Variants in AFF1 observed in about 807,000 individuals in gnomAD.
AFF1 encodes ALF transcription elongation factor 1, also known as AF4/FMR2 family member 1.
Under a neutral mutation model 121.7 loss-of-function variants are expected in AFF1, and 48 were observed. That is an observed-to-expected ratio of 0.39 (90% CI 0.31 to 0.50). The LOEUF (loss-of-function observed/expected upper bound fraction) is 0.50. Among genes scored for constraint, AFF1 ranks in the 20% least tolerant of loss-of-function variants. AFF1 has a pLI of 0.76. For missense variants in AFF1, 1,523 were observed against 1,511.7 expected (o/e 1.01, Z -0.12); for synonymous variants, 613 against 563.0 (o/e 1.09, Z -1.26).
intron 2 of AFF1, among the ~76,000 whole-genome samples, chr4:87,029,149 T>C (rs1296346378): frequency 1.3e-5 from 2 of 152,234 alleles, no homozygotes; most frequent in African/African-American, 4.8e-5. Flanking sequence ...TGTTATCCTC[T>C]AGCATTTGGT....
At chr4:86,946,612 G>C (rs887908572) in intron 1 of AFF1, among the ~76,000 whole-genome samples, 4 of 151,944 alleles carry the variant, frequency 2.6e-5, no homozygotes, top group African/African-American at 9.7e-5. Flanking sequence ...GGCTGGTCTT[G>C]AACTCCTGAG....
At chr4:87,084,550 CAATA>C (rs58068934) in intron 5 of AFF1, among the ~76,000 whole-genome samples, 22,459 of 136,586 alleles carry the variant, frequency 0.16, 2,003 homozygotes, top group Middle Eastern at 0.22. Flanking sequence ...ACTATGTCTC[CAATA>C]AATAAATAAA....
At chr4:87,018,945 T>C (rs1308897590) in intron 2 of AFF1, among the ~76,000 whole-genome samples, 1 of 152,186 alleles carries the variant, frequency 6.6e-6, no homozygotes, top group Non-Finnish European at 1.5e-5. Flanking sequence ...GGTACAGTTA[T>C]AAGGAAGTGA....
intron 4 of AFF1, among the ~76,000 whole-genome samples, chr4:87,059,372 G>A (rs961214652): frequency 1.3e-5 from 2 of 152,112 alleles, no homozygotes; most frequent in East Asian, 3.9e-4. Flanking sequence ...ATTCCTTTCT[G>A]TCATATACTC....
At chr4:87,079,281 C>T (rs760658067) in intron 4 of AFF1, among the ~76,000 whole-genome samples, 6 of 152,170 alleles carry the variant, frequency 3.9e-5, no homozygotes, top group Non-Finnish European at 8.8e-5. Context: ...CTTCAGCCAG[C>T]TCTTTTTAGC....
chr4:87,107,550 AAC>A (rs1726040475), intron 10 of AFF1, among the ~76,000 whole-genome samples: 1 of 152,230 alleles, frequency 6.6e-6, no homozygotes, highest in African/African-American at 2.4e-5. Flanking sequence ...CTTGCAAAGG[AAC>A]ACCATTTATA....
chr4:86,941,146 C>T (rs1159998670), intron 1 of AFF1, among the ~76,000 whole-genome samples: 1 of 152,152 alleles, frequency 6.6e-6, no homozygotes, highest in African/African-American at 2.4e-5. Context: ...GCATAGTGAA[C>T]ATGCTGCCCT....
chr4:86,967,064 T>C (rs1208905304), intron 2 of AFF1, among the ~76,000 whole-genome samples: 1 of 152,220 alleles, frequency 6.6e-6, no homozygotes, highest in Non-Finnish European at 1.5e-5. Flanking sequence ...ATACTATTCC[T>C]TCCTCCCATC....
chr4:86,957,394 G>A, intron 2 of AFF1, among the ~76,000 whole-genome samples: 1 of 152,234 alleles, frequency 6.6e-6, no homozygotes, highest in South Asian at 2.1e-4. Context: ...TTCAAAATCT[G>A]AGTCATGTTT....
intron 12 of AFF1, among the ~76,000 whole-genome samples, chr4:87,121,416 A>G (rs1384964277): frequency 6.6e-6 from 1 of 152,074 alleles, no homozygotes; most frequent in Non-Finnish European, 1.5e-5. Flanking sequence ...TCCTACATCC[A>G]TCCACTTAAA....
In AFF1 at chr4:87,135,806, G is replaced by C; in HGVS notation, c.*105G>C. ...CATCAGGACACCAAACTCTAAAAAA[G>C]AAGCACCACGAGATGGCCAGGACAT... is the stretch of plus-strand genomic sequence containing the variant. On this transcript the variant is annotated 3_prime_UTR_variant, in exon 21 of 21. Transcript: ENST00000395146. 1 of 1,399,862 alleles carries C rather than the reference G, an allele frequency of 7.1e-7. No individual in the cohort carries two copies. The highest frequency in any genetic ancestry group is 9.4e-7 in the Non-Finnish European group (1 of 1,062,776). 86.7% of individuals were successfully genotyped at this position (1,399,862 alleles called of 1,614,324 possible). A position where few individuals can be genotyped will look rare whatever the true frequency, so the allele number is the denominator to read the frequency against.
chr4:87,051,408 CCTTTTT>C lies in AFF1; in HGVS notation c.1059+3821_1059+3826del, dbSNP rs1393009942. ...TCTTTCATCATTCCTCTTTTTCTTT[CCTTTTT>C]CTTTTTTTTTTTTTTAACGTACTCA... is the stretch of plus-strand genomic sequence containing the variant. On this transcript the variant is annotated intron_variant, in intron 4 of 20. Transcript: ENST00000395146. Among the ~76,000 whole-genome samples, 15 of 141,602 alleles carry C rather than the reference CCTTTTT, an allele frequency of 1.1e-4. No homozygotes were observed. The South Asian group carries it at 3.2e-3, about 30-fold the overall frequency. 92.9% of individuals were successfully genotyped at this position (141,602 alleles called of 152,430 possible).
intron 2 of AFF1, among the ~76,000 whole-genome samples, chr4:86,983,152 A>G (rs1723910819): frequency 6.6e-6 from 1 of 152,180 alleles, no homozygotes. Context: ...GCACTTTAGG[A>G]GACCAAGGCT....
intron 4 of AFF1, among the ~76,000 whole-genome samples, chr4:87,068,799 T>G (rs921777469): frequency 6.6e-6 from 1 of 152,180 alleles, no homozygotes; most frequent in African/African-American, 2.4e-5. Flanking sequence ...TTCTTTCCTG[T>G]AAGGGCCGCC....
At position 87,046,896 on chromosome 4, in the gene AFF1, C is replaced by T. The variant is rs1730753040; in HGVS notation, c.361C>T (p.Gln121Ter). 1 of 1,614,100 alleles carries T rather than the reference C, an allele frequency of 6.2e-7. No homozygotes were observed. The highest frequency in any genetic ancestry group is 1.3e-5 in the African/African-American group (1 of 74,928). ...SSSFHTSVHHQSIHTPASGPL... is the reference protein window; with the variant it reads ...SSSFHTSVHH ...CTCCTTCCACACTAGTGTCCACCAC[C>T]AGTCCATTCACACTCCTGCGTCTGG... is the stretch of plus-strand genomic sequence containing the variant. The change falls in exon 4 of 21, where the codon CAG (glutamine) becomes TAG (stop). Residue 121 changes from glutamine (Q) to a stop codon, truncating the protein, a stop_gained. Coordinates refer to ENST00000395146, the MANE Select transcript of AFF1 (RefSeq NM_001166693.3). LOFTEE classifies it high-confidence loss of function.
At chr4:86,981,155 G>C (rs35812445) in intron 2 of AFF1, among the ~76,000 whole-genome samples, 20,548 of 151,454 alleles carry the variant, frequency 0.14, 1,866 homozygotes, top group Middle Eastern at 0.23. Context: ...TGGGACCACA[G>C]GTGCCCACCA....
At chr4:86,954,597 C>T (rs529353243) in intron 2 of AFF1, among the ~76,000 whole-genome samples, 1 of 152,224 alleles carries the variant, frequency 6.6e-6, no homozygotes, top group Middle Eastern at 3.4e-3. Context: ...GTAGTCCCAG[C>T]TACTGACAGG....
At chr4:87,001,233 T>TTG (rs1725694812) in intron 2 of AFF1, among the ~76,000 whole-genome samples, 1 of 140,714 alleles carries the variant, frequency 7.1e-6, no homozygotes, top group Non-Finnish European at 1.5e-5. Context: ...TTTTTTTTTT[T>TTG]TGGTGACGGC....
intron 2 of AFF1, among the ~76,000 whole-genome samples, chr4:87,042,671 C>G (rs1560566934): frequency 6.6e-6 from 1 of 152,166 alleles, no homozygotes; most frequent in Non-Finnish European, 1.5e-5. Context: ...CCGATAAAAT[C>G]TTAACGTGGG....
Sources: gnomAD v4.1 joint callset for allele counts (sites outside exome capture counted in the v4.1 genomes callset) on GRCh38, gnomAD v4.1.1 for gene constraint, MANE v1.5 for transcripts, NCBI Gene and HGNC (gene_info 2026-07-23, HGNC 2026-07-21) for gene names.